DIDO1: variants seen among roughly 807,000 people sequenced by gnomAD.
The protein encoded by DIDO1 is death inducer-obliterator 1.
Under a neutral mutation model 99.4 loss-of-function variants are expected in DIDO1, and 16 were observed. The observed-to-expected ratio is 0.16, with a 90% CI of 0.11 to 0.24. DIDO1 has a LOEUF of 0.24. Ranked by LOEUF, DIDO1 falls within the 10% of genes least tolerant of loss-of-function variation. The pLI, the probability that DIDO1 is intolerant of heterozygous loss-of-function variation, is 1.00. For synonymous variants in DIDO1, 1,366 were observed against 1,239.1 expected, an observed-to-expected ratio of 1.10 and a Z score of -2.15; for missense variants, 2,996 against 3,014.0, an observed-to-expected ratio of 0.99 and a Z score of 0.14.
At chr20:62,898,035 C>T (rs1026520877) in intron 6 of DIDO1, among the ~76,000 whole-genome samples, 2 of 152,176 alleles carry the variant, frequency 1.3e-5, no homozygotes, top group Non-Finnish European at 2.9e-5. Flanking sequence ...GCTTTTCCAA[C>T]GATCGGTACA....
Position 62,907,106 on chromosome 20 carries a change from T to A in DIDO1, c.1374+41A>T, listed in dbSNP as rs536751900. On this transcript the variant is annotated intron_variant, in intron 5 of 15. Transcript: ENST00000395343. ...GTTCTGCGACAAACGCTCTCACGCC[T>A]GTGCGTCCACTGCCTGGGCGGCTGG... 6 of 1,603,590 alleles carry A rather than the reference T, an allele frequency of 3.7e-6. No individual in the cohort carries two copies. In the South Asian group the frequency reaches 6.6e-5, roughly 18 times the overall value.
At chr20:62,930,382 G>GA (rs1206694584), upstream of DIDO1, among the ~76,000 whole-genome samples, 1 of 152,214 alleles carries the variant, frequency 6.6e-6, no homozygotes, top group Admixed American at 6.5e-5. Context: ...GGAGAGCATG[G>GA]ACGATAGTGG....
At chr20:62,895,494 C>T (rs2064499141) in intron 8 of DIDO1, among the ~76,000 whole-genome samples, 1 of 152,100 alleles carries the variant, frequency 6.6e-6, no homozygotes. Context: ...TCAGGAAAAA[C>T]AATTATGTAC....
intron 15 of DIDO1, among the ~76,000 whole-genome samples, chr20:62,882,805 G>A (rs1005371370): frequency 1.3e-5 from 2 of 152,118 alleles, no homozygotes; most frequent in Admixed American, 1.3e-4. Flanking sequence ...GAGGGAGGCC[G>A]TGGTGTGAGC....
chr20:62,907,048 A>G, intron 5 of DIDO1, 99 bp downstream of exon 5: 1 of 1,288,062 alleles, frequency 7.8e-7, no homozygotes. Context: ...GCCCCCCTAC[A>G]CCTGCCACCC....
At chr20:62,934,372 C>G (rs555554869) in intron 1 of DIDO1, among the ~76,000 whole-genome samples, 2 of 152,310 alleles carry the variant, frequency 1.3e-5, no homozygotes, top group East Asian at 3.9e-4. Context: ...GTGAATGCCT[C>G]AAATGCACTT....
chr20:62,895,767 G>A (rs961164618), intron 8 of DIDO1, among the ~76,000 whole-genome samples: 3 of 152,216 alleles, frequency 2.0e-5, no homozygotes, highest in Non-Finnish European at 2.9e-5. Flanking sequence ...CTACCTGGGC[G>A]TGAGCAGCCC....
Position 62,891,087 on chromosome 20 carries a change from G to T in DIDO1, c.3414C>A (p.Ser1138=). Residue 1138 remains serine, a synonymous_variant, in exon 15 of 16, where the codon TCC becomes TCA. Transcript: ENST00000395343. ...CAAAGCGGCCACGGCTGCTGAAATA[G>T]GAGTAGAGAGAGATATAGGCGACCT... ...EEEVAYISLY[S]YFSSRGRFGV... is the part of the protein sequence containing the mutation. 1 of 1,614,204 alleles carries T rather than the reference G, an allele frequency of 6.2e-7. No individual in the cohort carries two copies.
In DIDO1 at chr20:62,878,324, A is replaced by G. The variant is rs2064140770; in HGVS notation, c.*909T>C. 1.3e-5 allele frequency: 2 copies of G among 152,224 alleles called. No homozygotes were observed. Among genetic ancestry groups the G allele is most frequent in the Non-Finnish European group, 2.9e-5 (2 of 68,038 alleles). 9.4% of individuals were successfully genotyped at this position (152,224 alleles called of 1,614,324 possible). On this transcript the variant is annotated 3_prime_UTR_variant, in exon 16 of 16. Coordinates refer to ENST00000395343, the MANE Select transcript of DIDO1 (RefSeq NM_001193369.2). ...TGCAGTTCTTGAGCTAGTGATCACT[A>G]GTTCCCGTCTCAGACTTTACACAAG...
chr20:62,905,849 G>A (rs191322619), intron 6 of DIDO1, 38 bp downstream of exon 6: 2 of 1,614,074 alleles, frequency 1.2e-6, no homozygotes, highest in Admixed American at 1.7e-5. Flanking sequence ...AGAAAGAACG[G>A]GAGGGGTCCA....
upstream of DIDO1, among the ~76,000 whole-genome samples, chr20:62,926,995 G>A (rs1323279666): frequency 6.6e-6 from 1 of 152,202 alleles, no homozygotes; most frequent in African/African-American, 2.4e-5. Flanking sequence ...GACGGCCTCG[G>A]CTGGGAATGG....
chr20:62,887,788 C>CG (rs1445781868), intron 15 of DIDO1: 4 of 985,430 alleles, frequency 4.1e-6, no homozygotes, highest in Non-Finnish European at 4.8e-6. Context: ...CAAGTCCCTG[C>CG]GGGGGGCCCT....
chr20:62,905,228 G>A (rs1600978759), intron 6 of DIDO1: 1 of 1,271,838 alleles, frequency 7.9e-7, no homozygotes, highest in Non-Finnish European at 1.0e-6. Flanking sequence ...CTGCGGTCAG[G>A]ACAGTGTTCT....
Position 62,896,503 on chromosome 20 carries a change from G to A in DIDO1, c.2054+28C>T. 1 of 1,578,298 alleles carries A rather than the reference G, an allele frequency of 6.3e-7. No individual in the cohort carries two copies. ...CTAATGAAAGCCCTTCCATTTTAAT[G>A]GGTAAGAAATCAAGCAGAACAGCCC... On this transcript the variant is annotated intron_variant, in intron 7 of 15. Coordinates refer to ENST00000395343, the MANE Select transcript of DIDO1 (RefSeq NM_001193369.2). This position sits in a 1 kb window ranked among gnomAD's most constrained non-coding sequence, Gnocchi z 4.4.
rs2064224515 is a variant in DIDO1, at chr20:62,882,397, G to A, written c.3559C>T (p.Pro1187Ser). The A allele has an allele frequency of 6.2e-7, 1 of 1,610,522 alleles. No homozygotes were observed. ...FEGPGLESPR[P>S]NIILGLVICQ... ...ATTACTAACCCAAGAATTATATTCG[G>A]ACGTGGTGACTCAAGACCTGAAAAA... is the stretch of plus-strand genomic sequence containing the variant. Residue 1187 changes from proline to serine, a missense_variant, in exon 16 of 16, where the codon CCG (proline) becomes TCG (serine). Physicochemically the swap from Pro to Ser is moderately conservative, Grantham distance 74. Around this residue, in one of 5 missense-constraint regions of DIDO1, gnomAD observed 135 missense variants for 202.3 expected, o/e 0.67. Transcript: ENST00000395343.
rs950734939 is a variant in DIDO1 at position 62,915,571 on chromosome 20, C to G, written c.-199-1165G>C. 9.2e-5 allele frequency among the ~76,000 whole-genome samples: 14 copies of G among 152,316 alleles called. No homozygotes were observed. In the East Asian group the frequency reaches 1.2e-3, roughly 13 times the overall value. On this transcript the variant is annotated intron_variant, in intron 1 of 15. Coordinates refer to ENST00000395343, the MANE Select transcript of DIDO1 (RefSeq NM_001193369.2). ...TGGCCCAATCATGGCTCACTACAGT[C>G]TCAAACTCCGGGGCTCAAGTGATCC... is the stretch of plus-strand genomic sequence containing the variant.
chr20:62,901,038 A>C (rs2064662524), intron 6 of DIDO1, among the ~76,000 whole-genome samples: 2 of 152,224 alleles, frequency 1.3e-5, no homozygotes, highest in South Asian at 4.1e-4. Flanking sequence ...CGGCAAGAGA[A>C]AATGTTCTGC....
chr20:62,889,957 T>C, intron 15 of DIDO1: 1 of 985,442 alleles, frequency 1.0e-6, no homozygotes, highest in Non-Finnish European at 1.2e-6. Flanking sequence ...AGTAGGAACG[T>C]GGGCTGTGCC....
chr20:62,917,256 C>T (rs2065054149), intron 1 of DIDO1, among the ~76,000 whole-genome samples: 1 of 152,044 alleles, frequency 6.6e-6, no homozygotes, highest in Non-Finnish European at 1.5e-5. Context: ...GTCTCAAACT[C>T]CTGGGATCAA....
Sources: allele counts gnomAD v4.1 joint callset (sites outside exome capture counted in the v4.1 genomes callset), GRCh38; gene constraint gnomAD v4.1.1; regional missense constraint gnomAD v4.1.1; non-coding constraint Gnocchi (gnomAD v3.1); transcripts MANE v1.5; gene names NCBI Gene and HGNC (gene_info 2026-07-23, HGNC 2026-07-21).